Variants in FMN2 observed in about 807,000 individuals in gnomAD.
FMN2 encodes the protein formin-2.
In FMN2, 51 loss-of-function variants were observed where a neutral mutation model predicts 142.3. That is an observed-to-expected ratio of 0.36 (90% confidence interval 0.29 to 0.45). FMN2 has a LOEUF of 0.45. Among genes scored for constraint, FMN2 ranks in the 20% least tolerant of loss-of-function variants. The pLI, the probability that FMN2 is intolerant of heterozygous loss-of-function variation, is 1.00. For missense variants in FMN2, 1,936 were observed against 2,122.8 expected (o/e 0.91, Z 1.73); for synonymous variants, 882 against 869.8 (o/e 1.01, Z -0.25).
intron 14 of FMN2, among the ~76,000 whole-genome samples, chr1:240,357,591 G>T (rs1672314920): frequency 6.7e-6 from 1 of 150,198 alleles, no homozygotes; most frequent in African/African-American, 2.5e-5. Flanking sequence ...TATCTCTTCA[G>T]ATTTTAACAA....
chr1:240,148,192 GGACAGA>G (rs1292993788), intron 2 of FMN2, among the ~76,000 whole-genome samples: 1 of 150,116 alleles, frequency 6.7e-6, no homozygotes, highest in Non-Finnish European at 1.5e-5. Context: ...ACAGAGACAG[GGACAGA>G]GACAGAGAGA....
chr1:240,276,850 A>G (rs1669229743), intron 7 of FMN2, among the ~76,000 whole-genome samples: 1 of 152,190 alleles, frequency 6.6e-6, no homozygotes, highest in Non-Finnish European at 1.5e-5. Context: ...TATATTGAGC[A>G]TATTTTCTAT....
chr1:240,103,514 A>G (rs1057178307), intron 1 of FMN2, among the ~76,000 whole-genome samples: 1 of 152,236 alleles, frequency 6.6e-6, no homozygotes, highest in African/African-American at 2.4e-5. Flanking sequence ...TTTCCCAAAC[A>G]AGGCATTGCC....
At chr1:240,353,214 T>C (rs1672155332) in intron 13 of FMN2, among the ~76,000 whole-genome samples, 1 of 152,198 alleles carries the variant, frequency 6.6e-6, no homozygotes, top group Admixed American at 6.5e-5. Context: ...ATAGCAGCAA[T>C]AGCTACTGTT....
chr1:240,475,131 G>T lies in FMN2; in HGVS notation c.*977G>T, dbSNP rs1483975544. The T allele has an allele frequency of 6.6e-6, 1 of 152,314 alleles. No homozygotes were observed. Among genetic ancestry groups the T allele is most frequent in the Non-Finnish European group, 1.5e-5 (1 of 67,986 alleles). The allele number at this position is 152,314 out of a possible 1,614,324, so 9.4% of individuals were successfully genotyped here. A position where few individuals can be genotyped will look rare whatever the true frequency, so the allele number is the denominator to read the frequency against. On this transcript the variant is annotated 3_prime_UTR_variant, in exon 18 of 18. Coordinates refer to ENST00000319653, the MANE Select transcript of FMN2 (RefSeq NM_020066.5). The stretch of plus-strand genomic sequence containing the variant: ...AGTGTTTCTATTTCAATTTTTCTAG[G>T]ATGTTAATTTATATGAAAATAAAAT...
chr1:240,403,142 G>C (rs1188166376), intron 15 of FMN2, among the ~76,000 whole-genome samples: 1 of 152,150 alleles, frequency 6.6e-6, no homozygotes, highest in Non-Finnish European at 1.5e-5. Flanking sequence ...TGACATTCTG[G>C]ACAAAGGAAA....
intron 3 of FMN2, among the ~76,000 whole-genome samples, chr1:240,178,886 C>T (rs1371332548): frequency 6.6e-6 from 1 of 151,950 alleles, no homozygotes; most frequent in African/African-American, 2.4e-5. Flanking sequence ...TAAATGGTAA[C>T]ATAGATATTA....
intron 13 of FMN2, 76 bp from the exon 14 acceptor site, chr1:240,355,740 G>A: frequency 3.1e-6 from 3 of 978,214 alleles, no homozygotes; most frequent in Non-Finnish European, 3.2e-6. Flanking sequence ...TCTAACATTA[G>A]CTAAGATGTT....
At chr1:240,148,633 A>G (rs1663621487) in intron 2 of FMN2, among the ~76,000 whole-genome samples, 1 of 152,214 alleles carries the variant, frequency 6.6e-6, no homozygotes. Context: ...CTATTTGAAA[A>G]AACTTGAGAT....
chr1:240,108,562 C>A (rs1173911646), intron 1 of FMN2, among the ~76,000 whole-genome samples: 1 of 152,110 alleles, frequency 6.6e-6, no homozygotes, highest in Non-Finnish European at 1.5e-5. Context: ...CATGGGATAT[C>A]AGGGAAGTTT....
intron 2 of FMN2, among the ~76,000 whole-genome samples, chr1:240,164,434 T>C (rs1215768871): frequency 6.6e-6 from 1 of 152,198 alleles, no homozygotes; most frequent in Non-Finnish European, 1.5e-5. Flanking sequence ...ATTTAATCTT[T>C]TTTCTTTGTT....
At chr1:240,401,807 G>A (rs559845450) in intron 15 of FMN2, among the ~76,000 whole-genome samples, 7 of 152,274 alleles carry the variant, frequency 4.6e-5, no homozygotes, top group Admixed American at 2.0e-4. Flanking sequence ...AGAAGGCAGG[G>A]CTGCGTGGTG....
chr1:240,267,305 T>TA (rs199762417), intron 7 of FMN2, among the ~76,000 whole-genome samples: 3,393 of 150,296 alleles, frequency 0.023, 120 homozygotes, highest in African/African-American at 0.079. Context: ...GATGAAGCCA[T>TA]AAAAAAAAAT....
chr1:240,178,237 T>G (rs751603199), intron 3 of FMN2, 169 bp downstream of exon 3: 35 of 729,158 alleles, frequency 4.8e-5, no homozygotes, highest in Non-Finnish European at 6.7e-5. Context: ...GTTCCTTTTG[T>G]TGTCTTATTT....
intron 1 of FMN2, among the ~76,000 whole-genome samples, chr1:240,101,523 T>G (rs532414125): frequency 6.7e-5 from 10 of 150,188 alleles, no homozygotes; most frequent in African/African-American, 2.5e-4. Context: ...TGTGTGTGCC[T>G]GTGTGTCTGT....
intron 6 of FMN2, among the ~76,000 whole-genome samples, chr1:240,228,327 AAAAAAG>A (rs1186396133): frequency 0.05 from 3,826 of 76,280 alleles, 82 homozygotes; most frequent in Middle Eastern, 0.098. Context: ...AAAAAAAAAA[AAAAAAG>A]AAAAAGAAAA....
intron 3 of FMN2, among the ~76,000 whole-genome samples, chr1:240,183,810 A>G (rs897407524): frequency 2.0e-5 from 3 of 152,208 alleles, no homozygotes; most frequent in Admixed American, 1.3e-4. Context: ...TTAGGCAGCC[A>G]ATCATAAGTC....
At chr1:240,462,516 G>A (rs1053693794) in intron 16 of FMN2, among the ~76,000 whole-genome samples, 4 of 152,132 alleles carry the variant, frequency 2.6e-5, no homozygotes, top group Non-Finnish European at 5.9e-5. Flanking sequence ...AGAGTTCACC[G>A]GAAGAAGGAG....
intron 2 of FMN2, among the ~76,000 whole-genome samples, chr1:240,159,734 T>C (rs751141071): frequency 6.6e-5 from 10 of 151,954 alleles, no homozygotes; most frequent in Non-Finnish European, 1.0e-4. Context: ...TTACTTTTAA[T>C]TCTAATTACA....
Sources: gnomAD v4.1 joint callset for allele counts (sites outside exome capture counted in the v4.1 genomes callset) on GRCh38, gnomAD v4.1.1 for gene constraint, MANE v1.5 for transcripts, NCBI Gene and HGNC (gene_info 2026-07-23, HGNC 2026-07-21) for gene names.